The following ANKRD31 variants were observed in gnomAD, a reference collection of about 807,000 sequenced individuals.
ANKRD31 encodes the protein ankyrin repeat domain-containing protein 31.
In ANKRD31, 147 loss-of-function variants were observed where a neutral mutation model predicts 186.0. The observed-to-expected ratio is 0.79, with a 90% CI of 0.69 to 0.91. The LOEUF is 0.91. Ranked by LOEUF, ANKRD31 falls within the 40% of genes least tolerant of loss-of-function variation. The probability of loss-of-function intolerance (pLI) is 0.00; values close to 1 mark genes in which losing one functional copy is unlikely to be tolerated. For synonymous variants in ANKRD31, 673 were observed against 736.4 expected (o/e 0.91, Z 1.39); for missense variants, 1,986 against 2,148.8 (o/e 0.92, Z 1.50).
At chr5:75,105,626 T>C (rs1453050260) in intron 21 of ANKRD31, among the ~76,000 whole-genome samples, 1 of 152,146 alleles carries the variant, frequency 6.6e-6, no homozygotes, top group East Asian at 1.9e-4. Context: ...TTCTTTAAAT[T>C]TGGGGCTTGC....
chr5:75,135,033 A>G (rs1355055890), intron 17 of ANKRD31, among the ~76,000 whole-genome samples: 1 of 152,220 alleles, frequency 6.6e-6, no homozygotes, highest in Non-Finnish European at 1.5e-5. Flanking sequence ...AATAAGAGCT[A>G]TTTATGACAA....
At chr5:75,151,989 A>C (rs1415874233) in intron 12 of ANKRD31, among the ~76,000 whole-genome samples, 1 of 152,042 alleles carries the variant, frequency 6.6e-6, no homozygotes, top group Non-Finnish European at 1.5e-5. Context: ...GAATGAATGA[A>C]TGAATGACTC....
intron 11 of ANKRD31, among the ~76,000 whole-genome samples, chr5:75,161,772 G>C (rs1226977213): frequency 6.6e-6 from 1 of 152,182 alleles, no homozygotes; most frequent in African/African-American, 2.4e-5. Context: ...TGTCCCAGCT[G>C]CTTCAGCCAT....
intron 17 of ANKRD31, among the ~76,000 whole-genome samples, chr5:75,131,329 C>T (rs1212804307): frequency 2.0e-5 from 3 of 151,926 alleles, no homozygotes; most frequent in Admixed American, 6.5e-5. Context: ...ACGTTATCAC[C>T]TCTCATTAGC....
At chr5:75,236,080 G>C (rs865996348) in intron 1 of ANKRD31, among the ~76,000 whole-genome samples, 4 of 152,212 alleles carry the variant, frequency 2.6e-5, no homozygotes, top group African/African-American at 9.6e-5. Context: ...GAATATGTTA[G>C]AGAAAGGTTT....
chr5:75,156,921 C>G (rs1379143202), intron 11 of ANKRD31, among the ~76,000 whole-genome samples: 2 of 152,110 alleles, frequency 1.3e-5, no homozygotes, highest in South Asian at 4.1e-4. Flanking sequence ...TTTAAGCCAC[C>G]CAGTTTGTGC....
Position 75,105,114 on chromosome 5 carries a change from A to AT in ANKRD31, c.4444dup (p.Ile1482AsnfsTer9), listed in dbSNP as rs1233667551. On this transcript the variant is annotated frameshift_variant, in exon 22 of 26. Coordinates refer to ENST00000506364, the MANE Select transcript of ANKRD31 (RefSeq NM_001372053.1). LOFTEE classifies it high-confidence loss of function. ...CCTACAGTTTTGAATTTTCAGGCTT[A>AT]TTTTTTTCTGTTTTTTTGCCACAAC... is the stretch of plus-strand genomic sequence containing the variant. 2.0e-6 allele frequency: 3 copies of AT among 1,536,406 alleles called. No homozygotes were observed. The highest frequency in any genetic ancestry group is 2.4e-5 in the East Asian group (1 of 40,832).
At chr5:75,079,560 C>T (rs1306623521) in intron 25 of ANKRD31, among the ~76,000 whole-genome samples, 1 of 151,960 alleles carries the variant, frequency 6.6e-6, no homozygotes, top group African/African-American at 2.4e-5. Flanking sequence ...CTGCAACCTC[C>T]GCCTCTCGGA....
At chr5:75,199,913 G>A (rs1755704546) in intron 5 of ANKRD31, among the ~76,000 whole-genome samples, 1 of 151,968 alleles carries the variant, frequency 6.6e-6, no homozygotes, top group African/African-American at 2.4e-5. Flanking sequence ...TAACTATTTG[G>A]AATTATTTTA....
chr5:75,133,460 T>C (rs1750054613), intron 17 of ANKRD31, among the ~76,000 whole-genome samples: 1 of 152,136 alleles, frequency 6.6e-6, no homozygotes, highest in South Asian at 2.1e-4. Context: ...CAAGAAGAGC[T>C]AACTATCATA....
rs141922944 is a variant in ANKRD31 at position 75,084,190 on chromosome 5, A to G, written c.5575+82T>C. 6.1e-5 allele frequency: 63 copies of G among 1,031,294 alleles called. 1 individual carries two copies. The East Asian group carries it at 1.6e-3, about 26-fold the overall frequency. The allele number at this position is 1,031,294 out of a possible 1,614,324, so 63.9% of individuals were successfully genotyped here. A position where few individuals can be genotyped will look rare whatever the true frequency, so the allele number is the denominator to read the frequency against. Reference sequence around the variant, plus strand: ...GTTAATTTCACATCAATGAGAAAAAAGACAAAATAAAATGAGTGCTTTTCC... The same window carrying G: ...GTTAATTTCACATCAATGAGAAAAAGGACAAAATAAAATGAGTGCTTTTCC... On this transcript the variant is annotated intron_variant, in intron 24 of 25. Coordinates refer to ENST00000506364, the MANE Select transcript of ANKRD31 (RefSeq NM_001372053.1).
chr5:75,194,425 T>C (rs1755321250), intron 7 of ANKRD31, among the ~76,000 whole-genome samples: 1 of 152,156 alleles, frequency 6.6e-6, no homozygotes, highest in Non-Finnish European at 1.5e-5. Flanking sequence ...CCATAATTAG[T>C]TTCTCTTTTT....
chr5:75,118,177 T>C lies in ANKRD31; in HGVS notation c.3997A>G (p.Ile1333Val). The C allele has an allele frequency of 6.6e-7, 1 of 1,522,946 alleles. No individual in the cohort carries two copies. The highest frequency in any genetic ancestry group is 8.8e-7 in the Non-Finnish European group (1 of 1,142,628). The allele number at this position is 1,522,946 out of a possible 1,614,324, so 94.3% of individuals were successfully genotyped here. ...CTCTCATCTCTATTAACAGTCTCAATAGCACCATAAGATCTTAGTAATTCT... is the reference window on the plus strand; with the variant it reads ...CTCTCATCTCTATTAACAGTCTCAACAGCACCATAAGATCTTAGTAATTCT... The part of the protein sequence containing the change: ...MKELLRSYGA[I>V]ETVNRDESDA... Residue 1333 changes from isoleucine (I) to valine (V), a missense_variant, in exon 18 of 26, where the codon ATT becomes GTT. Physicochemically the swap from Ile to Val is conservative, Grantham distance 29. Transcript: ENST00000506364.
At chr5:75,215,918 T>G (rs972172127) in intron 3 of ANKRD31, among the ~76,000 whole-genome samples, 3 of 152,110 alleles carry the variant, frequency 2.0e-5, no homozygotes, top group Non-Finnish European at 4.4e-5. Context: ...AAAAGGTTTA[T>G]TTTCATAGGA....
chr5:75,091,318 C>A lies in ANKRD31; in HGVS notation c.5415G>T (p.Trp1805Cys). The A allele has an allele frequency of 6.5e-7, 1 of 1,537,072 alleles. No individual in the cohort carries two copies. The highest frequency in any genetic ancestry group is 1.2e-5 in the South Asian group (1 of 84,042). Residue 1805 changes from tryptophan to cysteine, a missense_variant, in exon 23 of 26, where the codon TGG becomes TGT. By Grantham distance (215) the Trp-to-Cys change is radical. Coordinates refer to ENST00000506364, the MANE Select transcript of ANKRD31 (RefSeq NM_001372053.1). ...TGTTGCCTCCCAGAAGATCCTTGAG[C>A]CAGGTGACTGGGTTTTTATAAATCT... ...SGQIYKNPVT[W>C]LKDLLGGNSY...
intron 23 of ANKRD31, among the ~76,000 whole-genome samples, chr5:75,087,682 A>G (rs1204917856): frequency 1.3e-5 from 2 of 151,518 alleles, no homozygotes. Flanking sequence ...AAAGAAACCA[A>G]TAAAAAACTG....
chr5:75,129,099 C>T (rs1473060371), intron 17 of ANKRD31, among the ~76,000 whole-genome samples: 1 of 152,074 alleles, frequency 6.6e-6, no homozygotes, highest in African/African-American at 2.4e-5. Context: ...CCCCATCCCC[C>T]TAGTGCTACC....
intron 22 of ANKRD31, among the ~76,000 whole-genome samples, chr5:75,102,376 G>A (rs1351279736): frequency 6.6e-6 from 1 of 152,220 alleles, no homozygotes; most frequent in African/African-American, 2.4e-5. Context: ...CTACTCAGGG[G>A]TCAGGGACCC....
At chr5:75,223,045 T>C (rs987398001) in intron 2 of ANKRD31, among the ~76,000 whole-genome samples, 35 of 152,216 alleles carry the variant, frequency 2.3e-4, no homozygotes, top group Non-Finnish European at 4.1e-4. Context: ...GTTGAACTAA[T>C]TTACATTCGC....
Sources: allele counts gnomAD v4.1 joint callset (sites outside exome capture counted in the v4.1 genomes callset), GRCh38; gene constraint gnomAD v4.1.1; transcripts MANE v1.5; gene names NCBI Gene and HGNC (gene_info 2026-07-23, HGNC 2026-07-21).